HTT-AS: variants seen among roughly 807,000 people sequenced by gnomAD.
HTT-AS encodes HTT antisense RNA (head to head).
At chr4:3,070,264 G>A (rs949097693) in intron 1 of HTT-AS, 4 of 152,020 alleles carry the variant, frequency 2.6e-5, no homozygotes, top group African/African-American at 9.7e-5. Flanking sequence ...GCTATGACTT[G>A]GTGACTAGGA....
downstream of HTT-AS, among the ~76,000 whole-genome samples, chr4:3,047,227 C>T (rs1234258600): frequency 1.3e-5 from 2 of 152,150 alleles, no homozygotes; most frequent in African/African-American, 2.4e-5. Flanking sequence ...AGGAGAATGG[C>T]ATGAACCCGG....
At chr4:3,060,575 C>A (rs1578467261) in intron 2 of HTT-AS, among the ~76,000 whole-genome samples, 1 of 152,136 alleles carries the variant, frequency 6.6e-6, no homozygotes, top group Admixed American at 6.5e-5. Flanking sequence ...GTAAGGTTTT[C>A]TTTTCAATGA....
exon 2 of HTT-AS, among the ~76,000 whole-genome samples, chr4:3,062,575 C>T (rs1560530811): frequency 6.6e-6 from 1 of 152,006 alleles, no homozygotes; most frequent in South Asian, 2.1e-4. Context: ...GGCTCATTCT[C>T]GAAGTCTCAA....
intron 2 of HTT-AS, among the ~76,000 whole-genome samples, chr4:3,060,247 G>A (rs535929971): frequency 6.6e-6 from 1 of 152,012 alleles, no homozygotes; most frequent in African/African-American, 2.4e-5. Context: ...TACTAATCTC[G>A]GTTGGTGTCT....
At chr4:3,068,442 C>G (rs77099632) in intron 1 of HTT-AS, among the ~76,000 whole-genome samples, 47 of 151,010 alleles carry the variant, frequency 3.1e-4, no homozygotes, top group Non-Finnish European at 1.3e-4. Flanking sequence ...CCTGATTGAA[C>G]TGGAAAGATT....
intron 1 of HTT-AS, among the ~76,000 whole-genome samples, chr4:3,068,992 T>TTAA (rs1303276119): frequency 6.6e-6 from 1 of 152,138 alleles, no homozygotes; most frequent in Non-Finnish European, 1.5e-5. Flanking sequence ...CACATGGCAA[T>TTAA]AATACCCTCC....
At chr4:3,050,992 G>A (rs979352981) in intron 2 of HTT-AS, among the ~76,000 whole-genome samples, 3 of 150,432 alleles carry the variant, frequency 2.0e-5, no homozygotes, top group Non-Finnish European at 4.4e-5. Flanking sequence ...TTGACCATGA[G>A]GTGAGATTCT....
intron 1 of HTT-AS, chr4:3,070,120 C>G (rs73086140): frequency 0.092 from 14,076 of 152,334 alleles, 1,032 homozygotes; most frequent in African/African-American, 0.2. Context: ...TAGCTCCCCG[C>G]CCAGTGAGAT....
At chr4:3,074,134 C>A (rs2798300) in intron 1 of HTT-AS, among the ~76,000 whole-genome samples, 3 of 134,980 alleles carry the variant, frequency 2.2e-5, no homozygotes, top group East Asian at 2.3e-4. Context: ...CTCCCCACCC[C>A]TCACCGGCCA....
intron 1 of HTT-AS, chr4:3,070,069 C>T (rs1196758385): frequency 6.6e-6 from 1 of 152,606 alleles, no homozygotes; most frequent in Non-Finnish European, 1.5e-5. Flanking sequence ...CTTCTCTCTT[C>T]TCGGCAGGAC....
At chr4:3,066,711 TTCTAGTG>T (rs1282257846) in intron 1 of HTT-AS, among the ~76,000 whole-genome samples, 1 of 152,212 alleles carries the variant, frequency 6.6e-6, no homozygotes, top group Non-Finnish European at 1.5e-5. Context: ...GGCCTAGGAC[TTCTAGTG>T]TCCCAGGAGC....
At chr4:3,056,389 C>T (rs541508202) in intron 2 of HTT-AS, among the ~76,000 whole-genome samples, 21 of 152,264 alleles carry the variant, frequency 1.4e-4, no homozygotes, top group African/African-American at 3.4e-4. Flanking sequence ...GGTTGCAGCT[C>T]GGCATTTGCC....
At position 3,058,275 on chromosome 4, in the gene HTT-AS, G is replaced by A. The variant is rs192664513; in HGVS notation, n.1380+4159C>T. ...CGGGAAGCCGAGGTTGTGGTGAGCCGAGATTGCGCCATTGCACTCCAGCCT... is the reference window on the plus strand; with the variant it reads ...CGGGAAGCCGAGGTTGTGGTGAGCCAAGATTGCGCCATTGCACTCCAGCCT... On this transcript the variant is annotated intron_variant and non_coding_transcript_variant, in intron 2 of 2. Transcript: ENST00000664062. Among the ~76,000 whole-genome samples, 99 of 151,910 alleles carry A rather than the reference G, an allele frequency of 6.5e-4. 1 individual carries two copies. The highest frequency in any genetic ancestry group is 5.4e-3 in the Admixed American group (82 of 15,270).
intron 1 of HTT-AS, among the ~76,000 whole-genome samples, chr4:3,071,040 G>A (rs944540252): frequency 3.9e-5 from 6 of 152,184 alleles, no homozygotes; most frequent in Non-Finnish European, 5.9e-5. Context: ...TAGATTTCCT[G>A]TCAGGATGAT....
chr4:3,067,285 GA>G (rs1310118334), intron 1 of HTT-AS, among the ~76,000 whole-genome samples: 2 of 152,168 alleles, frequency 1.3e-5, no homozygotes, highest in Non-Finnish European at 1.5e-5. Flanking sequence ...GAGAGAAGGA[GA>G]AGAACAGAAG....
intron 2 of HTT-AS, among the ~76,000 whole-genome samples, chr4:3,056,784 T>C (rs533664946): frequency 6.6e-6 from 1 of 152,328 alleles, no homozygotes; most frequent in East Asian, 1.9e-4. Context: ...AAATTTACCA[T>C]CTTAATGATT....
intron 2 of HTT-AS, among the ~76,000 whole-genome samples, chr4:3,057,702 C>T (rs1217143854): frequency 3.9e-5 from 6 of 151,994 alleles, no homozygotes; most frequent in Admixed American, 1.3e-4. Flanking sequence ...GTGGCGATCT[C>T]GGCTCACTGC....
downstream of HTT-AS, among the ~76,000 whole-genome samples, chr4:3,047,345 AAAAAG>A (rs2110119166): frequency 6.6e-6 from 1 of 152,318 alleles, no homozygotes; most frequent in South Asian, 2.1e-4. Flanking sequence ...AAAACAAAAC[AAAAAG>A]AATAGTTATA....
intron 1 of HTT-AS, among the ~76,000 whole-genome samples, chr4:3,065,625 A>C (rs1405651851): frequency 6.6e-6 from 1 of 152,184 alleles, no homozygotes; most frequent in Non-Finnish European, 1.5e-5. Context: ...TGCCCTTAAT[A>C]CACCTAACCT....
Sources: gnomAD v4.1 joint callset for allele counts (sites outside exome capture counted in the v4.1 genomes callset) on GRCh38, gnomAD v4.1.1 for gene constraint, MANE v1.5 for transcripts, NCBI Gene and HGNC (gene_info 2026-07-23, HGNC 2026-07-21) for gene names.